Variants in PRELID2 observed in about 807,000 individuals in gnomAD.
The protein encoded by PRELID2 is PRELI domain-containing protein 2.
PRELID2 carries 25 observed loss-of-function variants against 28.4 expected under a neutral mutation model. The ratio of observed to expected loss-of-function variants is 0.88; its 90% CI spans 0.64 to 1.23. The LOEUF is 1.23. Among genes scored for constraint, PRELID2 ranks in the 50% most tolerant of loss-of-function variants. The pLI is 0.00. For missense variants in PRELID2, 201 were observed against 214.4 expected (o/e 0.94, Z 0.39); for synonymous variants, 76 against 71.6 (o/e 1.06, Z -0.31).
chr5:145,317,807 C>CT, the PRELID2 span, among the ~76,000 whole-genome samples: 1 of 152,162 alleles, frequency 6.6e-6, no homozygotes, highest in Non-Finnish European at 1.5e-5. Flanking sequence ...AATGGTATTA[C>CT]TTTCCTGCTG....
chr5:145,424,868 T>G, the PRELID2 span, among the ~76,000 whole-genome samples: 2 of 152,030 alleles, frequency 1.3e-5, no homozygotes, highest in Non-Finnish European at 2.9e-5. Context: ...AGGCAAACAT[T>G]TCATGATAAA....
chr5:145,637,522 AG>A (rs1458068155), intron 1 of PRELID2, among the ~76,000 whole-genome samples: 49 of 152,316 alleles, frequency 3.2e-4, no homozygotes, highest in African/African-American at 1.1e-3. Flanking sequence ...AAAAAAAAAA[AG>A]AAAAGCATTT....
At chr5:145,648,360 T>C (rs779073774) in intron 1 of PRELID2, among the ~76,000 whole-genome samples, 18 of 152,118 alleles carry the variant, frequency 1.2e-4, no homozygotes, top group Non-Finnish European at 2.2e-4. Context: ...TGCATTTTGT[T>C]AGCAGGTCCA....
At chr5:145,562,243 T>C (rs1752930821) in intron 1 of PRELID2, among the ~76,000 whole-genome samples, 1 of 152,222 alleles carries the variant, frequency 6.6e-6, no homozygotes. Context: ...CATTGGGCTT[T>C]CATAATCCCA....
the PRELID2 span, among the ~76,000 whole-genome samples, chr5:145,411,772 C>G: frequency 6.6e-6 from 1 of 152,198 alleles, no homozygotes; most frequent in Non-Finnish European, 1.5e-5. Context: ...ATGAGGGCTC[C>G]ATCCCTGTAT....
At chr5:145,382,045 G>T in the PRELID2 span, among the ~76,000 whole-genome samples, 1 of 151,312 alleles carries the variant, frequency 6.6e-6, no homozygotes, top group Non-Finnish European at 1.5e-5. Context: ...ACAAAAGGAT[G>T]AATGGGAAAT....
the PRELID2 span, among the ~76,000 whole-genome samples, chr5:145,370,124 A>G: frequency 6.6e-6 from 1 of 152,064 alleles, no homozygotes; most frequent in East Asian, 1.9e-4. Flanking sequence ...CTTTAGTTTA[A>G]TTAGATCCCA....
At chr5:145,309,142 T>C in the PRELID2 span, among the ~76,000 whole-genome samples, 113 of 152,352 alleles carry the variant, frequency 7.4e-4, 2 homozygotes, top group African/African-American at 2.6e-3. Context: ...TGGTGTTTGA[T>C]GCCTGAGGTC....
intron 1 of PRELID2, among the ~76,000 whole-genome samples, chr5:145,548,435 T>C (rs1020018925): frequency 1.3e-5 from 2 of 152,214 alleles, no homozygotes; most frequent in Non-Finnish European, 2.9e-5. Context: ...TAAAATCATA[T>C]AATTTTATTG....
At chr5:145,733,829 T>C (rs1756417389) in intron 1 of PRELID2, among the ~76,000 whole-genome samples, 1 of 152,194 alleles carries the variant, frequency 6.6e-6, no homozygotes, top group African/African-American at 2.4e-5. Context: ...TGTGAGCCTT[T>C]TACCTCACAT....
the PRELID2 span, among the ~76,000 whole-genome samples, chr5:145,234,985 C>T: frequency 2.0e-5 from 3 of 151,966 alleles, no homozygotes; most frequent in African/African-American, 7.3e-5. Flanking sequence ...AACAACAATT[C>T]CAACCACCTA....
the PRELID2 span, among the ~76,000 whole-genome samples, chr5:145,352,805 T>TA: frequency 6.6e-6 from 1 of 152,194 alleles, no homozygotes; most frequent in Non-Finnish European, 1.5e-5. Flanking sequence ...CTCAAGTTCC[T>TA]AGTTCCACAG....
chr5:145,628,669 A>T (rs1753889752), intron 1 of PRELID2, among the ~76,000 whole-genome samples: 1 of 152,160 alleles, frequency 6.6e-6, no homozygotes, highest in Non-Finnish European at 1.5e-5. Context: ...CTTGAAGTGG[A>T]AGAAATAACC....
At chr5:145,697,062 T>TATATATAC (rs1755290708) in intron 1 of PRELID2, among the ~76,000 whole-genome samples, 1 of 119,916 alleles carries the variant, frequency 8.3e-6, no homozygotes, top group East Asian at 2.3e-4. Context: ...TATATATATA[T>TATATATAC]ATATATATAT....
chr5:145,612,530 G>A (rs1753631906), intron 1 of PRELID2, among the ~76,000 whole-genome samples: 1 of 152,030 alleles, frequency 6.6e-6, no homozygotes, highest in African/African-American at 2.4e-5. Context: ...TTCTTTAGTG[G>A]CAATTTTTGA....
chr5:145,573,933 A>C (rs1330128103), intron 1 of PRELID2, among the ~76,000 whole-genome samples: 1 of 152,216 alleles, frequency 6.6e-6, no homozygotes, highest in Non-Finnish European at 1.5e-5. Context: ...GTGTGGGCAG[A>C]AAAAGGGGTC....
intron 1 of PRELID2, among the ~76,000 whole-genome samples, chr5:145,665,596 T>TGGTATATAA (rs1448507117): frequency 6.6e-6 from 1 of 152,130 alleles, no homozygotes; most frequent in East Asian, 1.9e-4. Flanking sequence ...TTCCCTAGCA[T>TGGTATATAA]GGTATATAAT....
chr5:145,500,125 C>G (rs912259635), intron 1 of PRELID2, among the ~76,000 whole-genome samples: 1 of 152,164 alleles, frequency 6.6e-6, no homozygotes. Context: ...CTGATATGGT[C>G]TGGATCTGTG....
chr5:145,809,997 C>T (rs529737947), intron 4 of PRELID2, among the ~76,000 whole-genome samples: 2 of 152,248 alleles, frequency 1.3e-5, no homozygotes, highest in African/African-American at 4.8e-5. Context: ...GAACCAGAAA[C>T]TCACAAATAC....
Sources: allele counts gnomAD v4.1 joint callset (sites outside exome capture counted in the v4.1 genomes callset), GRCh38; gene constraint gnomAD v4.1.1; transcripts MANE v1.5; gene names NCBI Gene and HGNC (gene_info 2026-07-23, HGNC 2026-07-21).